Variants in AXDND1 observed in about 807,000 individuals in gnomAD.
AXDND1 encodes the protein axonemal dynein light chain domain containing 1, also known as axonemal dynein light chain domain-containing protein 1.
Under a neutral mutation model 137.5 loss-of-function variants are expected in AXDND1, and 110 were observed. The observed-to-expected ratio is 0.80, with a 90% CI of 0.69 to 0.94. The LOEUF (loss-of-function observed/expected upper bound fraction) is 0.94. Ranked by LOEUF, AXDND1 falls within the 40% of genes least tolerant of loss-of-function variation. The pLI, the probability that AXDND1 is intolerant of heterozygous loss-of-function variation, is 0.00. For synonymous variants in AXDND1, 414 were observed against 399.7 expected (o/e 1.04, Z -0.43); for missense variants, 1,191 against 1,169.8 (o/e 1.02, Z -0.26).
chr1:179,478,326 C>A (rs1348932249), intron 17 of AXDND1, among the ~76,000 whole-genome samples: 1 of 152,244 alleles, frequency 6.6e-6, no homozygotes, highest in Non-Finnish European at 1.5e-5. Context: ...GCACCCCACT[C>A]CTGCAGCAAA....
At chr1:179,510,372 G>A (rs1321589477) in intron 21 of AXDND1, among the ~76,000 whole-genome samples, 2 of 152,158 alleles carry the variant, frequency 1.3e-5, no homozygotes, top group Non-Finnish European at 2.9e-5. Context: ...TACTATACAG[G>A]TATGATCTGA....
intron 21 of AXDND1, among the ~76,000 whole-genome samples, chr1:179,516,115 A>T (rs1475126756): frequency 6.6e-6 from 1 of 152,052 alleles, no homozygotes; most frequent in East Asian, 1.9e-4. Context: ...ATTTAACATA[A>T]TCCCAGACTT....
At chr1:179,478,898 G>A (rs1370935561) in intron 17 of AXDND1, among the ~76,000 whole-genome samples, 5 of 151,966 alleles carry the variant, frequency 3.3e-5, no homozygotes, top group East Asian at 1.9e-4. Context: ...TCAGGAGCTC[G>A]AGACCAGCTC....
At position 179,427,731 on chromosome 1, in the gene AXDND1, G is replaced by GT. The variant is rs368173443; in HGVS notation, c.1231-1786dup. Among the ~76,000 whole-genome samples, 12 of 152,240 alleles carry GT rather than the reference G, an allele frequency of 7.9e-5. No homozygotes were observed. In the East Asian group the frequency reaches 2.3e-3, roughly 29 times the overall value. ...GGGAATAATTAGCATAGTTCTTACA[G>GT]TAATCCCTTGAAACAGTACTATCAT... On this transcript the variant is annotated intron_variant, in intron 12 of 25. Transcript: ENST00000367618.
chr1:179,480,730 C>G (rs944849975), intron 17 of AXDND1, among the ~76,000 whole-genome samples: 1 of 151,878 alleles, frequency 6.6e-6, no homozygotes, highest in Non-Finnish European at 1.5e-5. Context: ...TGCTACCCCC[C>G]TCTTCCTTGT....
At position 179,493,034 on chromosome 1, in the gene AXDND1, A is replaced by G. The variant is rs1301872118; in HGVS notation, c.2388+83A>G. The G allele has an allele frequency of 3.4e-6, 3 of 885,732 alleles. No homozygotes were observed. In the Admixed American group the frequency reaches 7.8e-5, roughly 23 times the overall value. The allele number at this position is 885,732 out of a possible 1,614,324, so 54.9% of individuals were successfully genotyped here. A position where few individuals can be genotyped will look rare whatever the true frequency, so the allele number is the denominator to read the frequency against. On this transcript the variant is annotated intron_variant, in intron 20 of 25. Transcript: ENST00000367618. ...TTTGAAGTTCAATTGATGTACAACA[A>G]GCTCACATATTTAAAGAATACAATC...
chr1:179,475,312 C>G (rs1223042864), intron 17 of AXDND1, among the ~76,000 whole-genome samples: 1 of 152,238 alleles, frequency 6.6e-6, no homozygotes. Context: ...ACACCTTGCA[C>G]TGTGCACTTG....
At chr1:179,503,295 T>G (rs1443691634) in intron 20 of AXDND1, among the ~76,000 whole-genome samples, 3 of 152,056 alleles carry the variant, frequency 2.0e-5, no homozygotes. Context: ...TCACAGTTTT[T>G]GAACAGTTTT....
intron 3 of AXDND1, among the ~76,000 whole-genome samples, chr1:179,369,485 C>T (rs1030800422): frequency 6.6e-5 from 10 of 152,084 alleles, no homozygotes; most frequent in Admixed American, 1.3e-4. Flanking sequence ...AACCCTGTCT[C>T]TACTAAAAAT....
intron 9 of AXDND1, among the ~76,000 whole-genome samples, chr1:179,390,895 C>T (rs533308726): frequency 7.2e-5 from 11 of 152,280 alleles, no homozygotes; most frequent in African/African-American, 2.6e-4. Context: ...CAACCTCTGC[C>T]TCCCAGGTTC....
intron 17 of AXDND1, among the ~76,000 whole-genome samples, chr1:179,481,354 G>A (rs966229271): frequency 2.6e-5 from 4 of 152,222 alleles, no homozygotes; most frequent in African/African-American, 7.2e-5. Flanking sequence ...TGGTGTATAT[G>A]TGCCACATTT....
chr1:179,462,641 C>T (rs1662521925), intron 16 of AXDND1, among the ~76,000 whole-genome samples: 1 of 152,152 alleles, frequency 6.6e-6, no homozygotes, highest in Non-Finnish European at 1.5e-5. Context: ...CTCTTTGTAC[C>T]TCTGGTAGAA....
intron 13 of AXDND1, among the ~76,000 whole-genome samples, 160 bp downstream of exon 13, chr1:179,429,779 C>A (rs1657108263): frequency 6.7e-6 from 1 of 150,366 alleles, no homozygotes; most frequent in African/African-American, 2.5e-5. Context: ...GAATAAAGGC[C>A]CTTATTTCTC....
At chr1:179,459,886 TTTC>T (rs1465979803) in intron 16 of AXDND1, among the ~76,000 whole-genome samples, 5 of 141,384 alleles carry the variant, frequency 3.5e-5, no homozygotes, top group Non-Finnish European at 7.6e-5. Flanking sequence ...TCTTTTCTCT[TTTC>T]TTTTCTTTCT....
intron 23 of AXDND1, chr1:179,533,209 T>G (rs1671188073): frequency 6.6e-6 from 1 of 152,194 alleles, no homozygotes; most frequent in Non-Finnish European, 1.5e-5. Context: ...AAAATATGCT[T>G]ATAGTTTTTG....
chr1:179,474,228 A>G (rs571783007), intron 17 of AXDND1, among the ~76,000 whole-genome samples: 1 of 152,058 alleles, frequency 6.6e-6, no homozygotes, highest in Non-Finnish European at 1.5e-5. Flanking sequence ...AAAAAAAAAA[A>G]AAAACTTACC....
intron 11 of AXDND1, among the ~76,000 whole-genome samples, chr1:179,408,968 C>CTTTTTTTT (rs74384865): frequency 3.2e-5 from 4 of 126,400 alleles, no homozygotes; most frequent in African/African-American, 9.3e-5. Context: ...TTTTTTCTTT[C>CTTTTTTTT]TTTTTTTTTT....
chr1:179,535,339 C>T (rs1286359566), intron 25 of AXDND1, among the ~76,000 whole-genome samples: 3 of 152,004 alleles, frequency 2.0e-5, no homozygotes, highest in Non-Finnish European at 2.9e-5. Context: ...TCATCATTTA[C>T]ATCAGGTATT....
intron 16 of AXDND1, chr1:179,457,054 A>T: frequency 2.0e-6 from 3 of 1,469,294 alleles, no homozygotes; most frequent in South Asian, 1.1e-5. Flanking sequence ...GTCTTTGAGA[A>T]TCTTCTCTTG....
Sources: allele counts gnomAD v4.1 joint callset (sites outside exome capture counted in the v4.1 genomes callset), GRCh38; gene constraint gnomAD v4.1.1; transcripts MANE v1.5; gene names NCBI Gene and HGNC (gene_info 2026-07-23, HGNC 2026-07-21).